PIK3CB: variants seen among roughly 807,000 people sequenced by gnomAD.
PIK3CB encodes phosphatidylinositol-4,5-bisphosphate 3-kinase catalytic subunit beta.
PIK3CB carries 39 observed loss-of-function variants against 136.8 expected under a neutral mutation model. The observed-to-expected ratio is 0.29, with a 90% CI of 0.22 to 0.37. The LOEUF (loss-of-function observed/expected upper bound fraction) is 0.37. PIK3CB is among the 10% of genes least tolerant of loss of function. The pLI is 1.00. For synonymous variants in PIK3CB, 428 were observed against 436.6 expected (o/e 0.98, Z 0.25); for missense variants, 868 against 1,275.4 (o/e 0.68, Z 4.87).
intron 4 of PIK3CB, among the ~76,000 whole-genome samples, chr3:138,750,174 C>T (rs776841724): frequency 9.9e-5 from 15 of 152,132 alleles, no homozygotes; most frequent in African/African-American, 3.4e-4. Flanking sequence ...CCCCCAAGCT[C>T]GGCCAATGTG....
At position 138,688,946 on chromosome 3, in the gene PIK3CB, C is replaced by T. The variant is rs1377278078; in HGVS notation, c.2065G>A (p.Val689Ile). 2 of 1,613,614 alleles carry T rather than the reference C, an allele frequency of 1.2e-6. No homozygotes were observed. The highest frequency in any genetic ancestry group is 3.3e-5 in the Admixed American group (2 of 60,026). Residue 689 changes from valine (V) to isoleucine (I), a missense_variant, in exon 16 of 24, where the codon GTA (valine) becomes ATA (isoleucine). This residue lies in a region of PIK3CB where 165 missense variants were observed against 295.4 expected (regional missense o/e 0.56). Transcript: ENST00000674063. ...GCTTCAAGGATGACACCAAATTGTA[C>T]TGAGACAGCAGGAATGTGCACTTCT... Reference protein sequence around the residue: ...RSEVHIPAVSVQFGVILEAYC... With the variant: ...RSEVHIPAVSIQFGVILEAYC...
intron 1 of PIK3CB, among the ~76,000 whole-genome samples, chr3:138,829,352 A>G (rs961249345): frequency 4.6e-5 from 7 of 152,194 alleles, no homozygotes; most frequent in Non-Finnish European, 7.3e-5. Context: ...GAACAGGAGA[A>G]TAAGTAAAAA....
intron 8 of PIK3CB, among the ~76,000 whole-genome samples, chr3:138,730,169 T>C (rs1459656485): frequency 1.3e-5 from 2 of 152,140 alleles, no homozygotes; most frequent in African/African-American, 4.8e-5. Flanking sequence ...GTGAGGTACA[T>C]ACATTAAATA....
chr3:138,692,862 T>A (rs116744006), intron 14 of PIK3CB, among the ~76,000 whole-genome samples: 1 of 152,192 alleles, frequency 6.6e-6, no homozygotes, highest in African/African-American at 2.4e-5. Context: ...GTGAATCTCA[T>A]AGATTCTCAC....
At chr3:138,691,659 G>C (rs1227263353) in intron 14 of PIK3CB, among the ~76,000 whole-genome samples, 3 of 152,072 alleles carry the variant, frequency 2.0e-5, no homozygotes, top group Non-Finnish European at 4.4e-5. Flanking sequence ...GTTTTGTGAG[G>C]CCTCCCTAGC....
chr3:138,683,420 G>A (rs746532259), intron 18 of PIK3CB, among the ~76,000 whole-genome samples: 9 of 151,696 alleles, frequency 5.9e-5, no homozygotes, highest in Non-Finnish European at 1.3e-4. Context: ...AGGAGTAGGC[G>A]CGTTTTGTAT....
At chr3:138,817,302 G>A (rs1933380537) in intron 1 of PIK3CB, among the ~76,000 whole-genome samples, 1 of 151,962 alleles carries the variant, frequency 6.6e-6, no homozygotes, top group African/African-American at 2.4e-5. Flanking sequence ...TCGTGCCACT[G>A]CACTCCAGCC....
At chr3:138,759,648 T>C (rs1030033386) in intron 2 of PIK3CB, among the ~76,000 whole-genome samples, 4 of 151,976 alleles carry the variant, frequency 2.6e-5, no homozygotes, top group Non-Finnish European at 5.9e-5. Context: ...AATAAAAATA[T>C]ATACACATAC....
intron 8 of PIK3CB, among the ~76,000 whole-genome samples, chr3:138,730,029 C>T (rs2044936131): frequency 6.6e-6 from 1 of 152,098 alleles, no homozygotes; most frequent in African/African-American, 2.4e-5. Context: ...ACTGGAGCTC[C>T]TCACCTGTGT....
intron 19 of PIK3CB, among the ~76,000 whole-genome samples, chr3:138,666,871 T>C (rs1318301775): frequency 2.0e-5 from 3 of 152,084 alleles, no homozygotes; most frequent in Non-Finnish European, 4.4e-5. Context: ...GATCTCTGTA[T>C]AAGGAAGAAG....
intron 1 of PIK3CB, chr3:138,825,499 G>A (rs921517597): frequency 1.3e-4 from 87 of 690,074 alleles, no homozygotes; most frequent in Middle Eastern, 4.1e-4. Context: ...CTACAACCCC[G>A]ACACAGTAGC....
intron 13 of PIK3CB, among the ~76,000 whole-genome samples, chr3:138,696,213 C>T (rs2044135185): frequency 1.4e-5 from 2 of 146,566 alleles, no homozygotes; most frequent in South Asian, 2.1e-4. Context: ...GATAGGGTCT[C>T]ATTCTGTTGT....
At chr3:138,831,091 A>C (rs1178942977) in intron 1 of PIK3CB, among the ~76,000 whole-genome samples, 22 of 140,868 alleles carry the variant, frequency 1.6e-4, no homozygotes, top group Non-Finnish European at 6.1e-5. Flanking sequence ...GACCGCCCTG[A>C]CTAACACGGT....
chr3:138,699,223 T>TAAA, intron 12 of PIK3CB, 128 bp from the exon 13 acceptor site: 8 of 249,090 alleles, frequency 3.2e-5, no homozygotes, highest in African/African-American at 4.8e-5. Context: ...TATAATTCCA[T>TAAA]AAAAAAAAAA....
rs777598873 is a variant in PIK3CB, at chr3:138,688,982, A to G, written c.2037-8T>C. 15 of 1,562,546 alleles carry G rather than the reference A, an allele frequency of 9.6e-6. No individual in the cohort carries two copies. Among genetic ancestry groups the G allele is most frequent in the Non-Finnish European group, 1.2e-5 (14 of 1,133,528 alleles). On this transcript the variant is annotated splice_region_variant and splice_polypyrimidine_tract_variant and intron_variant, in intron 15 of 23. Coordinates refer to ENST00000674063, the MANE Select transcript of PIK3CB (RefSeq NM_006219.3). ...GGAATGTGCACTTCTGACCTGCAGAAAGTTAATGATATCTGAACAGTTTGT... is the reference window on the plus strand; with the variant it reads ...GGAATGTGCACTTCTGACCTGCAGAGAGTTAATGATATCTGAACAGTTTGT...
At chr3:138,685,498 G>A (rs1173621011) in intron 16 of PIK3CB, among the ~76,000 whole-genome samples, 1 of 148,468 alleles carries the variant, frequency 6.7e-6, no homozygotes, top group Non-Finnish European at 1.5e-5. Flanking sequence ...TAGAATTTGA[G>A]ACATCACTAA....
At chr3:138,747,792 A>G (rs1041753906) in intron 4 of PIK3CB, among the ~76,000 whole-genome samples, 1 of 152,202 alleles carries the variant, frequency 6.6e-6, no homozygotes, top group African/African-American at 2.4e-5. Flanking sequence ...AAAAGTTTCA[A>G]TATACGTATT....
At chr3:138,778,617 A>G (rs2108781410) in intron 2 of PIK3CB, 2 of 207,878 alleles carry the variant, frequency 9.6e-6, no homozygotes, top group Non-Finnish European at 1.9e-5. Context: ...GCGTGGGAGG[A>G]CCCCTCAAAG....
intron 8 of PIK3CB, among the ~76,000 whole-genome samples, chr3:138,729,702 C>T (rs2044928625): frequency 6.6e-6 from 1 of 152,170 alleles, no homozygotes; most frequent in Non-Finnish European, 1.5e-5. Context: ...GGTTCTCAGG[C>T]TTTCAGATTC....
Sources: allele counts gnomAD v4.1 joint callset (sites outside exome capture counted in the v4.1 genomes callset), GRCh38; gene constraint gnomAD v4.1.1; regional missense constraint gnomAD v4.1.1; transcripts MANE v1.5; gene names NCBI Gene and HGNC (gene_info 2026-07-23, HGNC 2026-07-21).